The following DAB1 variants were observed in gnomAD, a reference collection of about 807,000 sequenced individuals.
DAB1 encodes disabled homolog 1.
Under a neutral mutation model 64.6 loss-of-function variants are expected in DAB1, and 15 were observed. The observed-to-expected ratio is 0.23, with a 90% CI of 0.16 to 0.36. DAB1 has a LOEUF of 0.36. DAB1 is among the 10% of genes least tolerant of loss of function. The pLI, the probability that DAB1 is intolerant of heterozygous loss-of-function variation, is 1.00. For missense variants in DAB1, 596 were observed against 706.7 expected (o/e 0.84, Z 1.78); for synonymous variants, 235 against 251.9 (o/e 0.93, Z 0.64).
chr1:58,420,166 T>TTTG (rs150301949), intron 3 of DAB1, among the ~76,000 whole-genome samples: 93 of 152,248 alleles, frequency 6.1e-4, no homozygotes, highest in African/African-American at 1.8e-3. Context: ...AGTCAACAAT[T>TTTG]TTGTTGTTGT....
chr1:57,603,488 C>A (rs1165989619), intron 7 of DAB1, among the ~76,000 whole-genome samples: 1 of 152,208 alleles, frequency 6.6e-6, no homozygotes, highest in Admixed American at 6.5e-5. Context: ...GACCATCTAA[C>A]AATTATCAGT....
chr1:57,054,036 T>A (rs1649492474), intron 9 of DAB1, among the ~76,000 whole-genome samples: 5 of 152,122 alleles, frequency 3.3e-5, no homozygotes, highest in Admixed American at 3.3e-4. Flanking sequence ...ATTCACTGAC[T>A]GGTTATTACT....
chr1:57,199,664 A>G (rs932508), intron 2 of DAB1, among the ~76,000 whole-genome samples: 32,826 of 152,118 alleles, frequency 0.22, 4,262 homozygotes, highest in Admixed American at 0.33. Context: ...TGTTACTACC[A>G]AAGATTCAGC....
chr1:57,953,141 C>G (rs545480002), intron 5 of DAB1, among the ~76,000 whole-genome samples: 1 of 152,226 alleles, frequency 6.6e-6, no homozygotes, highest in Admixed American at 6.5e-5. Context: ...AGAATTCCCA[C>G]CAAGGCTGTG....
At chr1:57,063,093 G>C (rs982931030) in intron 8 of DAB1, 150 bp from the exon 9 acceptor site, 5 of 665,116 alleles carry the variant, frequency 7.5e-6, no homozygotes, top group African/African-American at 1.8e-5. Context: ...AATTGTGAAA[G>C]TATCAAGCCA....
At chr1:57,818,816 T>C (rs1302586386) in intron 6 of DAB1, among the ~76,000 whole-genome samples, 1 of 151,244 alleles carries the variant, frequency 6.6e-6, no homozygotes, top group Non-Finnish European at 1.5e-5. Context: ...ATACATATGG[T>C]TAACGGGGCA....
chr1:57,396,918 C>T (rs1328137450), intron 1 of DAB1, among the ~76,000 whole-genome samples: 1 of 152,144 alleles, frequency 6.6e-6, no homozygotes, highest in East Asian at 1.9e-4. Flanking sequence ...TTATCTTTCT[C>T]ATATGGCCCA....
At chr1:57,670,422 G>A (rs535203482) in intron 6 of DAB1, among the ~76,000 whole-genome samples, 9 of 152,108 alleles carry the variant, frequency 5.9e-5, no homozygotes, top group Non-Finnish European at 1.3e-4. Flanking sequence ...ATTGTGTGAG[G>A]TAGAGAAATG....
intron 9 of DAB1, among the ~76,000 whole-genome samples, chr1:57,036,035 G>A (rs1647137820): frequency 6.6e-6 from 1 of 151,640 alleles, no homozygotes; most frequent in South Asian, 2.1e-4. Context: ...TAGAGACGGG[G>A]TTTTGCCAGT....
Position 58,515,543 on chromosome 1 carries a change from C to T in DAB1, n.108-9334G>A, listed in dbSNP as rs539519038. 9.9e-5 allele frequency among the ~76,000 whole-genome samples: 15 copies of T among 152,266 alleles called. No homozygotes were observed. In the South Asian group the frequency reaches 3.1e-3, roughly 32 times the overall value. ...CAGATGAATACACACAAGCCTGTCT[C>T]ATTTTTCTGGGTGATAAAATTAAGT... On this transcript the variant is annotated intron_variant and non_coding_transcript_variant, in intron 2 of 20. Transcript: ENST00000485760.
intron 2 of DAB1, among the ~76,000 whole-genome samples, chr1:58,520,672 A>C (rs2100451342): frequency 6.6e-6 from 1 of 152,302 alleles, no homozygotes; most frequent in Admixed American, 6.5e-5. Context: ...AAATAACAAT[A>C]CTAAAAGGAA....
intron 2 of DAB1, among the ~76,000 whole-genome samples, chr1:57,162,052 A>G (rs1284554399): frequency 1.3e-5 from 2 of 152,192 alleles, no homozygotes; most frequent in Non-Finnish European, 2.9e-5. Context: ...ATGAAAACAG[A>G]ATAAAGAAAA....
intron 2 of DAB1, among the ~76,000 whole-genome samples, chr1:57,276,034 T>C (rs1185245391): frequency 1.3e-5 from 2 of 152,146 alleles, no homozygotes; most frequent in East Asian, 1.9e-4. Flanking sequence ...CTTAGCAAAA[T>C]GATAATATTG....
chr1:57,494,127 C>T (rs1264457538), intron 7 of DAB1, among the ~76,000 whole-genome samples: 1 of 152,038 alleles, frequency 6.6e-6, no homozygotes, highest in African/African-American at 2.4e-5. Context: ...ACTTTTCTTT[C>T]TTCTATATTT....
At chr1:57,253,032 G>A (rs1013533139) in intron 2 of DAB1, among the ~76,000 whole-genome samples, 6 of 152,246 alleles carry the variant, frequency 3.9e-5, no homozygotes, top group Admixed American at 2.6e-4. Flanking sequence ...AGTTGGCATC[G>A]CTCTTTCATT....
chr1:57,227,083 G>A (rs965985479), intron 2 of DAB1, among the ~76,000 whole-genome samples: 2 of 152,054 alleles, frequency 1.3e-5, no homozygotes, highest in South Asian at 2.1e-4. Flanking sequence ...GCAAAGGGGG[G>A]AGGATCACTT....
intron 3 of DAB1, among the ~76,000 whole-genome samples, chr1:58,490,981 G>T (rs926565255): frequency 2.0e-5 from 3 of 151,284 alleles, no homozygotes; most frequent in Non-Finnish European, 1.5e-5. Context: ...AAATTTTTTT[G>T]TATTTTTAGT....
rs188529671 is a variant in DAB1, at chr1:57,081,712, A to C, written c.307-9298T>G. ...GAGGAAACAGGCTCAAAGAGAACTG[A>C]CCTGCTCAGGTAGCAGGAGGCTGAC... On this transcript the variant is annotated intron_variant, in intron 4 of 14. Coordinates refer to ENST00000371236, the MANE Select transcript of DAB1 (RefSeq NM_001365792.1). Among the ~76,000 whole-genome samples the C allele has an allele frequency of 2.4e-4, 36 of 152,302 alleles. No homozygotes were observed. The East Asian group carries it at 3.3e-3, about 14-fold the overall frequency.
chr1:58,511,749 C>T (rs920001854), intron 2 of DAB1, among the ~76,000 whole-genome samples: 32 of 152,166 alleles, frequency 2.1e-4, no homozygotes, highest in Middle Eastern at 3.4e-3. Flanking sequence ...CCTTATCTTA[C>T]GCTACACACA....
Sources: allele counts gnomAD v4.1 joint callset (sites outside exome capture counted in the v4.1 genomes callset), GRCh38; gene constraint gnomAD v4.1.1; transcripts MANE v1.5; gene names NCBI Gene and HGNC (gene_info 2026-07-23, HGNC 2026-07-21).